Variants in SASS6 observed in about 807,000 individuals in gnomAD.
The protein encoded by SASS6 is spindle assembly abnormal protein 6 homolog.
A neutral mutation model predicts 94.9 loss-of-function variants in SASS6; 59 were observed. The observed-to-expected ratio is 0.62, with a 90% CI of 0.50 to 0.77. The LOEUF (loss-of-function observed/expected upper bound fraction) is 0.77, where lower values mean the gene tolerates loss of function less well. Among genes scored for constraint, SASS6 ranks in the 30% least tolerant of loss-of-function variants. SASS6 has a pLI of 0.00. For synonymous variants in SASS6, 264 were observed against 270.0 expected, an observed-to-expected ratio of 0.98 and a Z score of 0.22; for missense variants, 698 against 734.1, an observed-to-expected ratio of 0.95 and a Z score of 0.57.
chr1:100,092,037 TGAA>T (rs1380251569), intron 14 of SASS6, among the ~76,000 whole-genome samples: 1 of 127,926 alleles, frequency 7.8e-6, no homozygotes, highest in Non-Finnish European at 1.7e-5. Flanking sequence ...AAAAAAAAAT[TGAA>T]GAAATAATGG....
intron 12 of SASS6, 69 bp downstream of exon 12, chr1:100,106,843 G>A (rs1652945691): frequency 2.8e-6 from 2 of 717,318 alleles, no homozygotes; most frequent in Non-Finnish European, 5.0e-6. Flanking sequence ...GACAGAGTGA[G>A]ACCGTGTCTC....
intron 14 of SASS6, among the ~76,000 whole-genome samples, chr1:100,093,196 TTTG>T (rs1651870471): frequency 6.9e-6 from 1 of 145,816 alleles, no homozygotes; most frequent in African/African-American, 2.5e-5. Context: ...TTTTTTTTTT[TTTG>T]TGAGACCTCT....
rs1406509060 is a variant in SASS6 at position 100,107,401 on chromosome 1, T to C, written c.1299A>G (p.Gly433=). The C allele has an allele frequency of 6.2e-7, 1 of 1,608,386 alleles. No homozygotes were observed. The highest frequency in any genetic ancestry group is 1.3e-5 in the African/African-American group (1 of 74,750). ...CTTGCTCTTTAATTCGAAGAGACTG[T>C]CCAACATCTTGTAATTCCTTTTGTT... The part of the protein sequence containing the change: ...QKEQKELQDV[G]QSLRIKEQEV... Residue 433 remains glycine (G), a synonymous_variant, in exon 11 of 17, where the codon GGA becomes GGG. Coordinates refer to ENST00000287482, the MANE Select transcript of SASS6 (RefSeq NM_194292.3).
intron 9 of SASS6, 39 bp downstream of exon 9, chr1:100,107,771 A>C (rs781208492): frequency 5.8e-6 from 9 of 1,553,130 alleles, no homozygotes; most frequent in South Asian, 1.1e-5. Flanking sequence ...TTACTTATAA[A>C]TATGATTATC....
At chr1:100,125,512 C>T (rs983220991) in intron 2 of SASS6, among the ~76,000 whole-genome samples, 3 of 151,298 alleles carry the variant, frequency 2.0e-5, no homozygotes, top group African/African-American at 7.3e-5. Context: ...AACCCCGTCT[C>T]TACTAAAAAT....
intron 8 of SASS6, among the ~76,000 whole-genome samples, chr1:100,109,313 A>G (rs938106101): frequency 7.2e-5 from 11 of 152,112 alleles, no homozygotes; most frequent in Admixed American, 1.3e-4. Context: ...TAGAGTTTGA[A>G]GTCTTGTGAG....
chr1:100,117,681 A>G (rs1229017536), intron 7 of SASS6, among the ~76,000 whole-genome samples: 1 of 151,826 alleles, frequency 6.6e-6, no homozygotes, highest in Non-Finnish European at 1.5e-5. Context: ...AAAAACAACC[A>G]CACAGAAAAA....
At chr1:100,125,222 AGTGTGTGTGTGTGTGT>A (rs59388922) in intron 2 of SASS6, among the ~76,000 whole-genome samples, 2 of 143,664 alleles carry the variant, frequency 1.4e-5, no homozygotes, top group Non-Finnish European at 3.1e-5. Context: ...ACAAGGCAGC[AGTGTGTGTGTGTGTGT>A]GTGTGTGTGT....
intron 7 of SASS6, among the ~76,000 whole-genome samples, chr1:100,114,473 CAG>C (rs1434918274): frequency 6.6e-6 from 1 of 150,972 alleles, no homozygotes; most frequent in African/African-American, 2.4e-5. Context: ...CATTTGAGGC[CAG>C]AAGATTGAGT....
At chr1:100,114,446 G>A (rs1653634840) in intron 7 of SASS6, among the ~76,000 whole-genome samples, 2 of 151,618 alleles carry the variant, frequency 1.3e-5, no homozygotes, top group African/African-American at 4.9e-5. Flanking sequence ...CACTTCAGGA[G>A]GCCAAGGCAG....
chr1:100,089,005 T>C (rs534656661), intron 14 of SASS6, among the ~76,000 whole-genome samples: 2 of 152,090 alleles, frequency 1.3e-5, no homozygotes, highest in South Asian at 2.1e-4. Context: ...GTAGAAATTA[T>C]AGACCAGGGA....
intron 14 of SASS6, among the ~76,000 whole-genome samples, chr1:100,095,918 A>C (rs1427699888): frequency 6.6e-5 from 10 of 152,366 alleles, no homozygotes; most frequent in African/African-American, 2.4e-4. Flanking sequence ...AGCTCTAAAT[A>C]AATGGAAAGA....
chr1:100,083,827 AAG>A lies in SASS6; in HGVS notation c.*1499_*1500del, dbSNP rs1352919254. ...GCAAAGAGATACCTATATTTTAAAA[AAG>A]AGAGCTACCTGTATGTCATGCATCC... On this transcript the variant is annotated 3_prime_UTR_variant, in exon 17 of 17. Coordinates refer to ENST00000287482, the MANE Select transcript of SASS6 (RefSeq NM_194292.3). 1 of 151,988 alleles carries A rather than the reference AAG, an allele frequency of 6.6e-6. No homozygotes were observed. The highest frequency in any genetic ancestry group is 1.5e-5 in the Non-Finnish European group (1 of 67,942). The allele number at this position is 151,988 out of a possible 1,614,324, so 9.4% of individuals were successfully genotyped here.
chr1:100,118,108 G>A (rs1353258808), intron 7 of SASS6, among the ~76,000 whole-genome samples: 6 of 152,042 alleles, frequency 3.9e-5, no homozygotes, highest in Non-Finnish European at 8.8e-5. Context: ...CTAAGGTTGG[G>A]AGTTCAAGAC....
At chr1:100,129,977 T>C (rs1300437522) in intron 1 of SASS6, among the ~76,000 whole-genome samples, 1 of 152,244 alleles carries the variant, frequency 6.6e-6, no homozygotes, top group African/African-American at 2.4e-5. Flanking sequence ...TGAACATTTA[T>C]TATGCTCTAG....
chr1:100,095,833 CTT>C (rs1313112894), intron 14 of SASS6, among the ~76,000 whole-genome samples: 1 of 152,072 alleles, frequency 6.6e-6, no homozygotes, highest in African/African-American at 2.4e-5. Context: ...GAATAAAACA[CTT>C]AAGAATAAAT....
chr1:100,111,674 A>T (rs1355623033), intron 7 of SASS6, among the ~76,000 whole-genome samples: 1 of 152,114 alleles, frequency 6.6e-6, no homozygotes, highest in East Asian at 1.9e-4. Context: ...TGTCTCTCTC[A>T]TAAAATACCT....
rs767746126 is a variant in SASS6, at chr1:100,123,220, C to T, written c.196G>A (p.Asp66Asn). ...FLYNLVISEE[D>N]FQSLKFQQGL... ...AAAAAATTTAGTTACCTTTGAAAATCTTCCTCAGATATAACAAGGTTATAT... is the reference window on the plus strand; with the variant it reads ...AAAAAATTTAGTTACCTTTGAAAATTTTCCTCAGATATAACAAGGTTATAT... Residue 66 changes from aspartate to asparagine, a missense_variant, in exon 3 of 17, where the codon GAT becomes AAT. Asp to Asn is a conservative substitution (Grantham distance 23). Transcript: ENST00000287482. 4 of 1,438,212 alleles carry T rather than the reference C, an allele frequency of 2.8e-6. No homozygotes were observed. The highest frequency in any genetic ancestry group is 3.9e-6 in the Non-Finnish European group (4 of 1,038,680). 89.1% of individuals were successfully genotyped at this position (1,438,212 alleles called of 1,614,324 possible). A position where few individuals can be genotyped will look rare whatever the true frequency, so the allele number is the denominator to read the frequency against.
intron 13 of SASS6, among the ~76,000 whole-genome samples, chr1:100,104,783 T>TAA (rs546359132): frequency 2.0e-4 from 25 of 127,300 alleles, no homozygotes; most frequent in African/African-American, 6.4e-4. Flanking sequence ...TTTCTCAGGT[T>TAA]AAAAAAAAAA....
Sources: allele counts gnomAD v4.1 joint callset (sites outside exome capture counted in the v4.1 genomes callset), GRCh38; gene constraint gnomAD v4.1.1; transcripts MANE v1.5; gene names NCBI Gene and HGNC (gene_info 2026-07-23, HGNC 2026-07-21).